EIF4H: variants seen among roughly 807,000 people sequenced by gnomAD.
EIF4H encodes eukaryotic translation initiation factor 4H.
In EIF4H, 8 loss-of-function variants were observed where a neutral mutation model predicts 30.6. The ratio of observed to expected loss-of-function variants is 0.26; its 90% CI spans 0.15 to 0.47. The LOEUF is 0.47. EIF4H is among the 20% of genes least tolerant of loss of function. EIF4H has a pLI of 0.99. For synonymous variants in EIF4H, 106 were observed against 122.7 expected (o/e 0.86, Z 0.90); for missense variants, 188 against 339.5 (o/e 0.55, Z 3.51).
chr7:74,185,433 TA>T (rs1360716145), intron 1 of EIF4H, among the ~76,000 whole-genome samples: 3 of 152,230 alleles, frequency 2.0e-5, no homozygotes, highest in Non-Finnish European at 4.4e-5. Context: ...TCACATTTAC[TA>T]GGCCCGAAAA....
chr7:74,183,783 TG>T (rs1423459540), intron 1 of EIF4H: 2 of 152,166 alleles, frequency 1.3e-5, no homozygotes, highest in Non-Finnish European at 2.9e-5. Context: ...ATGTGTACTC[TG>T]GGGTACTCAC....
chr7:74,191,410 G>T, intron 5 of EIF4H: 1 of 407,060 alleles, frequency 2.5e-6, no homozygotes, highest in Non-Finnish European at 4.9e-6. Context: ...CCTTGGCTTA[G>T]CTTGGCCACT....
chr7:74,176,829 A>G (rs1800853167), intron 1 of EIF4H, among the ~76,000 whole-genome samples: 1 of 152,368 alleles, frequency 6.6e-6, no homozygotes. Flanking sequence ...ATTCCAAATG[A>G]TCAAGAGTTG....
At position 74,195,218 on chromosome 7, in the gene EIF4H, G is replaced by A. The variant is rs782082506; in HGVS notation, c.657G>A (p.Ala219=). 2.7e-5 allele frequency: 44 copies of A among 1,613,852 alleles called. No homozygotes were observed. The African/African-American group carries it at 3.6e-4, about 13-fold the overall frequency. ...TCCAGCTTAAACCTCGAACAGTCGC[G>A]ACGCCCCTCAATCAAGTAGCCAATC... The part of the protein sequence containing the change: ...PRLQLKPRTV[A]TPLNQVANPN... The change falls in exon 7 of 7, where the codon GCG becomes GCA. Residue 219 remains alanine, a synonymous_variant. Coordinates refer to ENST00000265753, the MANE Select transcript of EIF4H (RefSeq NM_022170.2).
intron 1 of EIF4H, among the ~76,000 whole-genome samples, chr7:74,181,875 C>G (rs1209344272): frequency 6.6e-6 from 1 of 152,032 alleles, no homozygotes; most frequent in Admixed American, 6.6e-5. Context: ...TGCCACTGTG[C>G]CCAGCTGATT....
chr7:74,187,818 AT>A lies in EIF4H; in HGVS notation c.247+22del. On this transcript the variant is annotated intron_variant, in intron 2 of 6. Coordinates refer to ENST00000265753, the MANE Select transcript of EIF4H (RefSeq NM_022170.2). Reference sequence around the variant, plus strand: ...TTAAAGGTGAGTTTGGGGGATTCTTATTGTATATTACTGTAAAGTGTAGGGG... The same window carrying A: ...TTAAAGGTGAGTTTGGGGGATTCTTATGTATATTACTGTAAAGTGTAGGGG... 1 of 1,590,174 alleles carries A rather than the reference AT, an allele frequency of 6.3e-7. No individual in the cohort carries two copies. The highest frequency in any genetic ancestry group is 8.6e-7 in the Non-Finnish European group (1 of 1,164,120).
chr7:74,178,820 CT>C (rs1290848358), intron 1 of EIF4H, among the ~76,000 whole-genome samples: 1 of 152,144 alleles, frequency 6.6e-6, no homozygotes, highest in Non-Finnish European at 1.5e-5. Context: ...TCTAAGACTT[CT>C]TTTGTGTAAG....
chr7:74,193,030 T>C (rs1801260498), intron 5 of EIF4H, among the ~76,000 whole-genome samples: 1 of 152,158 alleles, frequency 6.6e-6, no homozygotes, highest in Non-Finnish European at 1.5e-5. Context: ...TTGATTCATT[T>C]AATAGTGTTA....
chr7:74,191,281 T>G (rs782421854), intron 5 of EIF4H: 1 of 533,326 alleles, frequency 1.9e-6, no homozygotes, highest in East Asian at 5.5e-5. Context: ...AGTCTCTGAT[T>G]GAAACATGCA....
chr7:74,186,788 A>AATTTTTTTTTTTTTT (rs1801089805), intron 1 of EIF4H, among the ~76,000 whole-genome samples: 2 of 70,122 alleles, frequency 2.9e-5, no homozygotes, highest in East Asian at 4.5e-4. Flanking sequence ...ACAAGGAGAA[A>AATTTTTTTTTTTTTT]TTTTTTTTTT....
chr7:74,190,586 C>T (rs1554709782), intron 5 of EIF4H, among the ~76,000 whole-genome samples: 1 of 152,228 alleles, frequency 6.6e-6, no homozygotes, highest in Non-Finnish European at 1.5e-5. Context: ...CTTTCTCAGA[C>T]TCTAGCCCAG....
Position 74,178,740 on chromosome 7 carries a change from C to T in EIF4H, c.59+4298C>T, listed in dbSNP as rs541669462. Among the ~76,000 whole-genome samples, 4 of 152,244 alleles carry T rather than the reference C, an allele frequency of 2.6e-5. No homozygotes were observed. The East Asian group carries it at 7.7e-4, about 29-fold the overall frequency. ...TGCTTTTACATCATGCTGATTAGAC[C>T]TGCACACCCGGGCATGAAATGAGTG... is the stretch of plus-strand genomic sequence containing the variant. On this transcript the variant is annotated intron_variant, in intron 1 of 6. Coordinates refer to ENST00000265753, the MANE Select transcript of EIF4H (RefSeq NM_022170.2).
rs1801299235 is a variant in EIF4H, at chr7:74,194,629, G to T, written c.470-112G>T. On this transcript the variant is annotated intron_variant, in intron 5 of 6. Transcript: ENST00000265753. ...TTATTTTGGAGAGACTTCAGATAGT[G>T]GACAAACTAAAGAATTTAAAATGAA... 7 of 1,409,320 alleles carry T rather than the reference G, an allele frequency of 5.0e-6. No individual in the cohort carries two copies. In the Admixed American group the frequency reaches 1.5e-4, roughly 31 times the overall value. 87.3% of individuals were successfully genotyped at this position (1,409,320 alleles called of 1,614,324 possible).
At position 74,186,808 on chromosome 7, in the gene EIF4H, T is replaced by A. The variant is rs1554709240; in HGVS notation, c.60-803T>A. ...GAGAAATTTTTTTTTTTTTTTTTTT[T>A]TTTTTTTTTTTTTTTTTTTTTTTTT... On this transcript the variant is annotated intron_variant, in intron 1 of 6. Coordinates refer to ENST00000265753, the MANE Select transcript of EIF4H (RefSeq NM_022170.2). Among the ~76,000 whole-genome samples the A allele has an allele frequency of 7.9e-3, 385 of 48,672 alleles. 60 individuals are homozygous for A. Among genetic ancestry groups the A allele is most frequent in the East Asian group, 0.028 (42 of 1,498 alleles). 31.9% of individuals were successfully genotyped at this position (48,672 alleles called of 152,430 possible).
chr7:74,184,881 A>G (rs901022139), intron 1 of EIF4H, among the ~76,000 whole-genome samples: 18 of 151,966 alleles, frequency 1.2e-4, no homozygotes, highest in African/African-American at 4.1e-4. Context: ...GAGTTTTACC[A>G]TGTTGGCCAG....
chr7:74,192,694 T>A (rs1305279807), intron 5 of EIF4H, among the ~76,000 whole-genome samples: 1 of 133,470 alleles, frequency 7.5e-6, no homozygotes, highest in Non-Finnish European at 1.6e-5. Context: ...TTTTTTTTTT[T>A]TGAGACAGAG....
chr7:74,188,625 T>C (rs530820691), intron 2 of EIF4H, among the ~76,000 whole-genome samples: 1 of 152,166 alleles, frequency 6.6e-6, no homozygotes, highest in Non-Finnish European at 1.5e-5. Flanking sequence ...AAAACAAATA[T>C]ATCAGTTACA....
intron 4 of EIF4H, 46 bp from the exon 5 acceptor site, chr7:74,190,201 A>G: frequency 6.3e-7 from 1 of 1,577,622 alleles, no homozygotes; most frequent in African/African-American, 1.3e-5. Flanking sequence ...TTTGCGCAGC[A>G]AGGTAATGAC....
chr7:74,194,816 G>A lies in EIF4H; in HGVS notation c.545G>A (p.Ser182Asn), dbSNP rs374465435. 4.0e-5 allele frequency: 65 copies of A among 1,605,770 alleles called. No homozygotes were observed. The highest frequency in any genetic ancestry group is 1.7e-4 in the Middle Eastern group (1 of 6,050). Residue 182 changes from serine to asparagine, a missense_variant, in exon 6 of 7, where the codon AGC becomes AAC. Ser to Asn is a conservative substitution (Grantham distance 46, BLOSUM62 1). Coordinates refer to ENST00000265753, the MANE Select transcript of EIF4H (RefSeq NM_022170.2). ...CGGCGAACAGGCCCCCCCATGGGCA[G>A]CCGCTTCAGAGATGGCCCTCCCCTC... ...GDRRTGPPMG[S>N]RFRDGPPLRG...
Sources: gnomAD v4.1 joint callset for allele counts (sites outside exome capture counted in the v4.1 genomes callset) on GRCh38, gnomAD v4.1.1 for gene constraint, MANE v1.5 for transcripts, NCBI Gene and HGNC (gene_info 2026-07-23, HGNC 2026-07-21) for gene names.